The following LSAMP variants were observed in gnomAD, a reference collection of about 807,000 sequenced individuals.
LSAMP encodes the protein limbic system associated membrane protein, also known as limbic system-associated membrane protein.
LSAMP carries 7 observed loss-of-function variants against 38.6 expected under a neutral mutation model. The observed-to-expected ratio is 0.18, with a 90% CI of 0.10 to 0.34. The LOEUF (loss-of-function observed/expected upper bound fraction) is 0.34, where lower values mean the gene tolerates loss of function less well. Among genes scored for constraint, LSAMP ranks in the 10% least tolerant of loss-of-function variants. The pLI is 1.00. For missense variants in LSAMP, 313 were observed against 420.0 expected (o/e 0.75, Z 2.23); for synonymous variants, 154 against 166.8 (o/e 0.92, Z 0.59).
intron 1 of LSAMP, among the ~76,000 whole-genome samples, chr3:116,426,996 T>C (rs1176376008): frequency 6.6e-6 from 1 of 152,132 alleles, no homozygotes; most frequent in African/African-American, 2.4e-5. Context: ...CTATTTATTG[T>C]GTCCTCACTT....
chr3:115,986,348 C>A (rs1428242177), intron 3 of LSAMP, among the ~76,000 whole-genome samples: 2 of 152,002 alleles, frequency 1.3e-5, no homozygotes, highest in Non-Finnish European at 2.9e-5. Flanking sequence ...ATAGTTAGCA[C>A]GAGTTGCTGA....
intron 1 of LSAMP, among the ~76,000 whole-genome samples, chr3:116,105,235 C>T (rs941285617): frequency 6.6e-6 from 1 of 151,706 alleles, no homozygotes; most frequent in African/African-American, 2.4e-5. Flanking sequence ...GAAACAAATA[C>T]TGCCAGGCAA....
intron 6 of LSAMP, among the ~76,000 whole-genome samples, chr3:115,818,987 C>T (rs1300061964): frequency 6.7e-6 from 1 of 148,828 alleles, no homozygotes; most frequent in Non-Finnish European, 1.5e-5. Flanking sequence ...TGGTGAAACC[C>T]CATCTCTACT....
At chr3:116,019,226 G>A (rs1940570275) in intron 3 of LSAMP, among the ~76,000 whole-genome samples, 1 of 149,422 alleles carries the variant, frequency 6.7e-6, no homozygotes. Flanking sequence ...TAGATAGATA[G>A]ACAGATAGAT....
intron 3 of LSAMP, among the ~76,000 whole-genome samples, chr3:115,871,619 AAGAGAGACAGAC>A (rs1936039067): frequency 9.5e-5 from 11 of 115,892 alleles, no homozygotes; most frequent in African/African-American, 4.3e-4. Flanking sequence ...GTGTGTGTGT[AAGAGAGACAGAC>A]AGAGAGACAA....
At chr3:116,061,359 T>G (rs2107748402) in intron 2 of LSAMP, among the ~76,000 whole-genome samples, 1 of 152,324 alleles carries the variant, frequency 6.6e-6, no homozygotes, top group African/African-American at 2.4e-5. Flanking sequence ...GAAAAGCTGC[T>G]TAGGTTCTTT....
intron 1 of LSAMP, among the ~76,000 whole-genome samples, chr3:116,381,802 A>C (rs1199858541): frequency 6.6e-6 from 1 of 152,032 alleles, no homozygotes; most frequent in African/African-American, 2.4e-5. Flanking sequence ...GGATATGTTA[A>C]CATCCCCTCT....
rs553933448 is a variant in LSAMP, at chr3:116,408,641, T to C, written c.155+36236A>G. On this transcript the variant is annotated intron_variant, in intron 1 of 6. Transcript: ENST00000490035. ...AGCCACCGTGCATGATAGATACTAT[T>C]TTCCTCCATTTAACAGGCTCGGAGA... Among the ~76,000 whole-genome samples, 41 of 152,222 alleles carry C rather than the reference T, an allele frequency of 2.7e-4. 1 individual carries two copies. The highest frequency in any genetic ancestry group is 1.3e-3 in the Admixed American group (20 of 15,282).
chr3:115,949,051 T>C (rs1205379254), intron 3 of LSAMP, among the ~76,000 whole-genome samples: 1 of 152,108 alleles, frequency 6.6e-6, no homozygotes, highest in Non-Finnish European at 1.5e-5. Flanking sequence ...GTGAATCACG[T>C]GAGGCCAGGA....
chr3:116,123,865 T>C (rs1708944118), intron 1 of LSAMP, among the ~76,000 whole-genome samples: 1 of 152,160 alleles, frequency 6.6e-6, no homozygotes, highest in Non-Finnish European at 1.5e-5. Context: ...TAAGGCATGA[T>C]TTGGAGAAAA....
chr3:116,241,323 T>A (rs1252855670), intron 1 of LSAMP, among the ~76,000 whole-genome samples: 2 of 152,148 alleles, frequency 1.3e-5, no homozygotes, highest in Non-Finnish European at 2.9e-5. Flanking sequence ...TCCCAGCACT[T>A]TGGGAGGCTG....
chr3:116,102,680 A>G (rs1383076945), intron 1 of LSAMP, among the ~76,000 whole-genome samples: 1 of 152,196 alleles, frequency 6.6e-6, no homozygotes, highest in Non-Finnish European at 1.5e-5. Flanking sequence ...TTACTTTCAC[A>G]CTATCAGCTT....
intron 1 of LSAMP, among the ~76,000 whole-genome samples, chr3:116,390,325 T>G (rs540168248): frequency 1.3e-5 from 2 of 152,132 alleles, no homozygotes; most frequent in Non-Finnish European, 2.9e-5. Flanking sequence ...AGTTTCATGA[T>G]GAAATGAAAG....
At chr3:116,197,938 G>T (rs2045924915) in intron 1 of LSAMP, among the ~76,000 whole-genome samples, 1 of 149,378 alleles carries the variant, frequency 6.7e-6, no homozygotes, top group Admixed American at 6.8e-5. Flanking sequence ...GAACATAAAG[G>T]ATAAATCCAA....
At chr3:116,427,294 G>A (rs572366763) in intron 1 of LSAMP, among the ~76,000 whole-genome samples, 30 of 150,880 alleles carry the variant, frequency 2.0e-4, no homozygotes, top group Non-Finnish European at 3.7e-4. Flanking sequence ...CTAATTTTTT[G>A]TATTTTTAGT....
chr3:116,072,667 T>C (rs968869120), intron 2 of LSAMP, among the ~76,000 whole-genome samples: 8 of 152,172 alleles, frequency 5.3e-5, no homozygotes, highest in African/African-American at 1.9e-4. Flanking sequence ...GAGCTTTTTT[T>C]TCATGTTTGT....
At chr3:115,835,801 A>T (rs1934763134) in intron 6 of LSAMP, among the ~76,000 whole-genome samples, 1 of 152,202 alleles carries the variant, frequency 6.6e-6, no homozygotes, top group South Asian at 2.1e-4. Context: ...TAAATATGAA[A>T]GTTTCCTAAG....
intron 4 of LSAMP, among the ~76,000 whole-genome samples, chr3:115,845,475 C>T (rs937585774): frequency 4.6e-5 from 7 of 152,160 alleles, no homozygotes; most frequent in Admixed American, 6.5e-5. Flanking sequence ...AATGATTTTT[C>T]TGATTGAAAA....
intron 1 of LSAMP, among the ~76,000 whole-genome samples, chr3:116,359,587 T>G (rs565047796): frequency 1.3e-5 from 2 of 152,322 alleles, no homozygotes; most frequent in Non-Finnish European, 2.9e-5. Context: ...TTATTTTATT[T>G]TTAAGTTCAG....
Sources: gnomAD v4.1 joint callset for allele counts (sites outside exome capture counted in the v4.1 genomes callset) on GRCh38, gnomAD v4.1.1 for gene constraint, MANE v1.5 for transcripts, NCBI Gene and HGNC (gene_info 2026-07-23, HGNC 2026-07-21) for gene names.